HERPUD2: variants seen among roughly 807,000 people sequenced by gnomAD.
The protein encoded by HERPUD2 is homocysteine-responsive endoplasmic reticulum-resident ubiquitin-like domain member 2 protein.
HERPUD2 carries 13 observed loss-of-function variants against 49.9 expected under a neutral mutation model. That is an observed-to-expected ratio of 0.26 (90% CI 0.17 to 0.41). The LOEUF (loss-of-function observed/expected upper bound fraction) is 0.41. Ranked by LOEUF, HERPUD2 falls within the 10% of genes least tolerant of loss-of-function variation. HERPUD2 has a pLI of 1.00. For synonymous variants in HERPUD2, 172 were observed against 171.4 expected, an observed-to-expected ratio of 1.00 and a Z score of -0.03; for missense variants, 449 against 492.2, an observed-to-expected ratio of 0.91 and a Z score of 0.83.
At chr7:35,682,209 T>TG (rs1554317192) in intron 2 of HERPUD2, among the ~76,000 whole-genome samples, 1 of 138,704 alleles carries the variant, frequency 7.2e-6, no homozygotes, top group Admixed American at 7.1e-5. Context: ...TGGCTAATTT[T>TG]TGTGTGTGTG....
intron 2 of HERPUD2, among the ~76,000 whole-genome samples, chr7:35,690,052 A>C (rs1186597566): frequency 7.2e-5 from 11 of 152,226 alleles, no homozygotes; most frequent in Non-Finnish European, 4.4e-5. Flanking sequence ...AACTAAGTCT[A>C]AACTCAGATT....
In HERPUD2 at chr7:35,665,165, G is replaced by A. The variant is rs566523803; in HGVS notation, c.494+2269C>T. Among the ~76,000 whole-genome samples, 12 of 152,354 alleles carry A rather than the reference G, an allele frequency of 7.9e-5. No individual in the cohort carries two copies. In the South Asian group the frequency reaches 2.5e-3, roughly 32 times the overall value. On this transcript the variant is annotated intron_variant, in intron 5 of 8. Transcript: ENST00000311350. Reference sequence around the variant, plus strand: ...AAAGCTGTCACACAGGGACATTTAAGTCTGCAGAAGTTTCTGCTGCCTTCT... The same window carrying A: ...AAAGCTGTCACACAGGGACATTTAAATCTGCAGAAGTTTCTGCTGCCTTCT...
At chr7:35,633,980 T>C (rs1250467995) in intron 8 of HERPUD2, 129 bp from the exon 9 acceptor site, 1 of 908,242 alleles carries the variant, frequency 1.1e-6, no homozygotes, top group African/African-American at 1.7e-5. Flanking sequence ...TAGAAATCTT[T>C]AAGGCCAAAA....
intron 5 of HERPUD2, among the ~76,000 whole-genome samples, chr7:35,657,527 T>C (rs1001846683): frequency 7.5e-6 from 1 of 133,660 alleles, no homozygotes; most frequent in African/African-American, 2.9e-5. Flanking sequence ...GAGGCCGAGG[T>C]GGGAGAATCG....
chr7:35,651,746 G>A (rs1484449406), intron 5 of HERPUD2, among the ~76,000 whole-genome samples: 1 of 151,830 alleles, frequency 6.6e-6, no homozygotes. Flanking sequence ...AAAAAAAATT[G>A]TGAAATCCAG....
At chr7:35,673,469 G>A (rs1785686606) in intron 2 of HERPUD2, among the ~76,000 whole-genome samples, 191 bp from the exon 3 acceptor site, 1 of 152,048 alleles carries the variant, frequency 6.6e-6, no homozygotes, top group Non-Finnish European at 1.5e-5. Flanking sequence ...TTCAGCAAAT[G>A]GTAGTGTATC....
At chr7:35,672,108 T>C (rs1308532235) in intron 3 of HERPUD2, among the ~76,000 whole-genome samples, 1 of 151,974 alleles carries the variant, frequency 6.6e-6, no homozygotes, top group Admixed American at 6.6e-5. Flanking sequence ...TGATAATGTA[T>C]GTCAATGTAA....
intron 2 of HERPUD2, among the ~76,000 whole-genome samples, chr7:35,683,353 T>C (rs1464068736): frequency 6.6e-6 from 1 of 152,204 alleles, no homozygotes; most frequent in Non-Finnish European, 1.5e-5. Flanking sequence ...TGTGATGGGA[T>C]AATTGGCTAG....
intron 7 of HERPUD2, among the ~76,000 whole-genome samples, chr7:35,634,926 TA>T (rs1372900339): frequency 6.6e-6 from 1 of 152,158 alleles, no homozygotes; most frequent in Non-Finnish European, 1.5e-5. Flanking sequence ...TAAAATACAG[TA>T]AACAAAAAAT....
At position 35,633,107 on chromosome 7, in the gene HERPUD2, C is replaced by T. The variant is rs1784805732; in HGVS notation, c.*583G>A. The T allele has an allele frequency of 6.6e-6, 1 of 151,004 alleles. No homozygotes were observed. Among genetic ancestry groups the T allele is most frequent in the South Asian group, 2.1e-4 (1 of 4,766 alleles). 9.4% of individuals were successfully genotyped at this position (151,004 alleles called of 1,614,324 possible). On this transcript the variant is annotated 3_prime_UTR_variant, in exon 9 of 9. Transcript: ENST00000311350. ...TCTGAGACCGAGTCTCACTCTGTCG[C>T]CCAGGGTGGAGTGCAGTGGCCCAAT... is the stretch of plus-strand genomic sequence containing the variant.
In HERPUD2 at chr7:35,694,416, G is replaced by C; in HGVS notation, c.-86C>G. ...TGGTCACCGCCGGCGCGACTGGGAT[G>C]AGGACAGAAGTGAGTTCTTAGTATT... On this transcript the variant is annotated 5_prime_UTR_variant, in exon 2 of 9. Transcript: ENST00000311350. 1 of 1,369,170 alleles carries C rather than the reference G, an allele frequency of 7.3e-7. No homozygotes were observed. Among genetic ancestry groups the C allele is most frequent in the South Asian group, 1.2e-5 (1 of 84,700 alleles). The allele number at this position is 1,369,170 out of a possible 1,614,324, so 84.8% of individuals were successfully genotyped here. A position where few individuals can be genotyped will look rare whatever the true frequency, so the allele number is the denominator to read the frequency against.
chr7:35,661,639 G>C (rs1785424475), intron 5 of HERPUD2, among the ~76,000 whole-genome samples: 1 of 152,144 alleles, frequency 6.6e-6, no homozygotes, highest in African/African-American at 2.4e-5. Flanking sequence ...TGAAGCAATT[G>C]TGAATGGGAG....
intron 5 of HERPUD2, among the ~76,000 whole-genome samples, chr7:35,659,277 T>C (rs1298434066): frequency 1.6e-4 from 24 of 152,356 alleles, no homozygotes; most frequent in East Asian, 9.6e-4. Context: ...TCATGTTCAT[T>C]GTTGAACTGA....
intron 5 of HERPUD2, among the ~76,000 whole-genome samples, chr7:35,653,319 A>T (rs1439887778): frequency 6.6e-6 from 1 of 152,228 alleles, no homozygotes; most frequent in Non-Finnish European, 1.5e-5. Flanking sequence ...AAAAACAGTA[A>T]CAACAAAGAA....
At chr7:35,672,565 A>G (rs968333501) in intron 3 of HERPUD2, among the ~76,000 whole-genome samples, 10 of 152,092 alleles carry the variant, frequency 6.6e-5, no homozygotes, top group African/African-American at 2.2e-4. Flanking sequence ...AAGGCAAAAC[A>G]AAGAAGAAAT....
intron 3 of HERPUD2, among the ~76,000 whole-genome samples, chr7:35,671,362 A>G (rs1369347368): frequency 6.6e-6 from 1 of 152,010 alleles, no homozygotes. Flanking sequence ...GTTTGGAGGA[A>G]GGAGTTACTA....
chr7:35,659,099 C>T (rs758736022), intron 5 of HERPUD2, among the ~76,000 whole-genome samples: 6 of 152,182 alleles, frequency 3.9e-5, no homozygotes, highest in African/African-American at 7.2e-5. Flanking sequence ...ATAAGCTATA[C>T]ATAAATTTGA....
chr7:35,673,095 T>C (rs1430375433), intron 3 of HERPUD2, 106 bp downstream of exon 3: 20 of 748,330 alleles, frequency 2.7e-5, no homozygotes, highest in Non-Finnish European at 2.3e-5. Flanking sequence ...CGCAAAGGGA[T>C]TGATTTTAAG....
intron 6 of HERPUD2, among the ~76,000 whole-genome samples, chr7:35,637,083 A>C (rs1057445510): frequency 2.6e-5 from 4 of 152,018 alleles, no homozygotes; most frequent in African/African-American, 9.7e-5. Flanking sequence ...CAGTGAACCA[A>C]GATTATGCCA....
Sources: gnomAD v4.1 joint callset for allele counts (sites outside exome capture counted in the v4.1 genomes callset) on GRCh38, gnomAD v4.1.1 for gene constraint, MANE v1.5 for transcripts, NCBI Gene and HGNC (gene_info 2026-07-23, HGNC 2026-07-21) for gene names.